CACNB2: variants seen among roughly 807,000 people sequenced by gnomAD.
The protein encoded by CACNB2 is calcium voltage-gated channel auxiliary subunit beta 2, also known as voltage-dependent L-type calcium channel subunit beta-2.
Under a neutral mutation model 73.3 loss-of-function variants are expected in CACNB2, and 42 were observed. The observed-to-expected ratio is 0.57, with a 90% CI of 0.45 to 0.74. The LOEUF (loss-of-function observed/expected upper bound fraction) is 0.74. CACNB2 is among the 30% of genes least tolerant of loss of function. CACNB2 has a pLI of 0.00. For missense variants in CACNB2, 940 were observed against 853.0 expected (o/e 1.10, Z -1.27); for synonymous variants, 348 against 310.3 (o/e 1.12, Z -1.28).
At chr10:18,277,362 G>C (rs1174589018) in intron 2 of CACNB2, among the ~76,000 whole-genome samples, 1 of 152,198 alleles carries the variant, frequency 6.6e-6, no homozygotes, top group Non-Finnish European at 1.5e-5. Flanking sequence ...TGGTTTTTCT[G>C]AAGTCTTATG....
At chr10:18,515,095 C>T in intron 7 of CACNB2, 1 of 1,395,560 alleles carries the variant, frequency 7.2e-7, no homozygotes, top group African/African-American at 1.4e-5. Context: ...CTTGCCTTCT[C>T]CATCAGTCAG....
chr10:18,341,206 C>T (rs1237354206), intron 2 of CACNB2, among the ~76,000 whole-genome samples: 4 of 152,166 alleles, frequency 2.6e-5, no homozygotes, highest in Non-Finnish European at 4.4e-5. Context: ...TACTGAGCTT[C>T]ATTTAGTAGC....
intron 2 of CACNB2, among the ~76,000 whole-genome samples, chr10:18,333,318 G>A (rs180715568): frequency 2.0e-5 from 3 of 152,220 alleles, no homozygotes; most frequent in African/African-American, 7.2e-5. Flanking sequence ...TTCTTAGAGG[G>A]ATAAACTCTG....
In CACNB2 at chr10:18,474,582, G is replaced by C. The variant is rs150425311; in HGVS notation, c.334-23773G>C. On this transcript the variant is annotated intron_variant, in intron 3 of 13. Coordinates refer to ENST00000324631, the MANE Select transcript of CACNB2 (RefSeq NM_201596.3). ...CACACGCACTTTCTCCTTAGTAACA[G>C]CGCACGGCTCCTGACCTGGATGGGT... Among the ~76,000 whole-genome samples, 5 of 152,252 alleles carry C rather than the reference G, an allele frequency of 3.3e-5. No individual in the cohort carries two copies. The East Asian group carries it at 9.7e-4, about 29-fold the overall frequency.
chr10:18,495,705 C>A (rs1425180797), intron 3 of CACNB2, among the ~76,000 whole-genome samples: 1 of 151,826 alleles, frequency 6.6e-6, no homozygotes, highest in East Asian at 1.9e-4. Context: ...TGAGCCACGG[C>A]ACCTGGCCTT....
chr10:18,305,407 G>T (rs888097055), intron 2 of CACNB2, among the ~76,000 whole-genome samples: 1 of 152,222 alleles, frequency 6.6e-6, no homozygotes. Flanking sequence ...AACTGGGGCT[G>T]TTGAAGTGGA....
intron 2 of CACNB2, among the ~76,000 whole-genome samples, chr10:18,179,838 A>C (rs1484754500): frequency 6.6e-6 from 1 of 152,170 alleles, no homozygotes; most frequent in East Asian, 1.9e-4. Flanking sequence ...CCAGTAGTCT[A>C]AGTTGTGAAT....
At chr10:18,444,937 T>C (rs552838867) in intron 3 of CACNB2, among the ~76,000 whole-genome samples, 1 of 152,356 alleles carries the variant, frequency 6.6e-6, no homozygotes, top group African/African-American at 2.4e-5. Context: ...ACTAAGTTTC[T>C]ATGGTTTTAC....
chr10:18,315,100 C>T (rs576064115), intron 2 of CACNB2, among the ~76,000 whole-genome samples: 8 of 152,122 alleles, frequency 5.3e-5, no homozygotes, highest in East Asian at 3.9e-4. Context: ...GGGAGGCCAA[C>T]GCCGGCCGAT....
chr10:18,423,529 T>A (rs149753924), intron 3 of CACNB2, among the ~76,000 whole-genome samples: 315 of 152,322 alleles, frequency 2.1e-3, no homozygotes, highest in Non-Finnish European at 2.8e-3. Context: ...GCTGTTCTGT[T>A]ACATAAAGAT....
intron 3 of CACNB2, among the ~76,000 whole-genome samples, chr10:18,495,501 G>A (rs1045826761): frequency 1.3e-5 from 2 of 151,636 alleles, no homozygotes; most frequent in Non-Finnish European, 2.9e-5. Flanking sequence ...TTACTGGCAT[G>A]AGCCATCACG....
chr10:18,274,726 A>T (rs897025145), intron 2 of CACNB2, among the ~76,000 whole-genome samples: 4 of 152,256 alleles, frequency 2.6e-5, no homozygotes, highest in African/African-American at 9.6e-5. Flanking sequence ...TAGGATTTTC[A>T]TTTCTGAACT....
At chr10:18,181,617 A>C (rs982286580) in intron 2 of CACNB2, among the ~76,000 whole-genome samples, 4 of 125,394 alleles carry the variant, frequency 3.2e-5, no homozygotes, top group African/African-American at 1.0e-4. Context: ...ATTTTATTTT[A>C]TTTTATTTTA....
intron 3 of CACNB2, among the ~76,000 whole-genome samples, chr10:18,406,218 T>C (rs1433972652): frequency 6.6e-6 from 1 of 151,990 alleles, no homozygotes; most frequent in East Asian, 1.9e-4. Context: ...ATACAATAGG[T>C]TGTGGGGAAG....
intron 2 of CACNB2, among the ~76,000 whole-genome samples, chr10:18,159,244 C>T (rs1208989095): frequency 6.6e-6 from 1 of 152,162 alleles, no homozygotes; most frequent in Non-Finnish European, 1.5e-5. Context: ...GAGCTTTCTA[C>T]TCTATGCTCC....
At chr10:18,356,942 C>CTTTTTTTTTTTTTTTT (rs71402158) in intron 2 of CACNB2, among the ~76,000 whole-genome samples, 3 of 101,126 alleles carry the variant, frequency 3.0e-5, no homozygotes, top group Admixed American at 1.1e-4. Flanking sequence ...GACTCAATTT[C>CTTTTTTTTTTTTTTTT]TTTTTTTTTT....
chr10:18,452,092 T>C (rs1564565389), intron 3 of CACNB2, among the ~76,000 whole-genome samples: 2 of 152,278 alleles, frequency 1.3e-5, no homozygotes, highest in East Asian at 3.9e-4. Context: ...ATTATTCCTA[T>C]CTTAGTAAAT....
chr10:18,499,283 G>T (rs1054049538), intron 4 of CACNB2, among the ~76,000 whole-genome samples: 2 of 152,116 alleles, frequency 1.3e-5, no homozygotes, highest in African/African-American at 4.8e-5. Flanking sequence ...ACTCTTCACT[G>T]CACTAAAGGC....
chr10:18,542,626 A>G lies in CACNB2; in HGVS notation c.*2902A>G, dbSNP rs1376859386. 2 of 152,224 alleles carry G rather than the reference A, an allele frequency of 1.3e-5. No individual in the cohort carries two copies. The highest frequency in any genetic ancestry group is 4.8e-5 in the African/African-American group (2 of 41,468). The allele number at this position is 152,224 out of a possible 1,614,324, so 9.4% of individuals were successfully genotyped here. A position where few individuals can be genotyped will look rare whatever the true frequency, so the allele number is the denominator to read the frequency against. On this transcript the variant is annotated 3_prime_UTR_variant, in exon 14 of 14. Transcript: ENST00000324631. ...GTAGAACATATTAGTGCAAATCAGAATATTCCTCAAAGAACTAGCTTGAAG... is the reference window on the plus strand; with the variant it reads ...GTAGAACATATTAGTGCAAATCAGAGTATTCCTCAAAGAACTAGCTTGAAG...
Sources: allele counts gnomAD v4.1 joint callset (sites outside exome capture counted in the v4.1 genomes callset), GRCh38; gene constraint gnomAD v4.1.1; transcripts MANE v1.5; gene names NCBI Gene and HGNC (gene_info 2026-07-23, HGNC 2026-07-21).